GFRA2: variants seen among roughly 807,000 people sequenced by gnomAD.
The protein encoded by GFRA2 is GDNF family receptor alpha-2.
In GFRA2, 17 loss-of-function variants were observed where a neutral mutation model predicts 48.3. The observed-to-expected ratio is 0.35, with a 90% CI of 0.24 to 0.53. The LOEUF is 0.53. GFRA2 is among the 20% of genes least tolerant of loss of function. GFRA2 has a pLI of 0.93. For missense variants in GFRA2, 660 were observed against 637.3 expected (o/e 1.04, Z -0.38); for synonymous variants, 305 against 257.2 (o/e 1.19, Z -1.78).
At chr8:21,731,134 TCAC>T (rs1053599277) in intron 4 of GFRA2, among the ~76,000 whole-genome samples, 13 of 152,060 alleles carry the variant, frequency 8.5e-5, no homozygotes, top group Admixed American at 3.3e-4. Flanking sequence ...AGTGTTACTG[TCAC>T]CACCACCAAC....
intron 1 of GFRA2, among the ~76,000 whole-genome samples, chr8:21,787,212 G>A (rs1807317507): frequency 1.3e-5 from 2 of 150,696 alleles, no homozygotes; most frequent in African/African-American, 4.9e-5. Context: ...AAAAGAAACT[G>A]CGTGGGGCTC....
intron 4 of GFRA2, among the ~76,000 whole-genome samples, chr8:21,711,399 A>C (rs758033180): frequency 6.6e-6 from 1 of 152,230 alleles, no homozygotes; most frequent in Non-Finnish European, 1.5e-5. Context: ...ATCTCGGCTG[A>C]GACCAAGCTA....
At chr8:21,747,049 C>T (rs1805040438) in intron 4 of GFRA2, among the ~76,000 whole-genome samples, 1 of 152,102 alleles carries the variant, frequency 6.6e-6, no homozygotes, top group Admixed American at 6.5e-5. Flanking sequence ...GATTCCAGGC[C>T]CCCTGCAGTC....
At chr8:21,694,630 C>T in intron 7 of GFRA2, 113 bp from the exon 8 acceptor site, 1 of 922,542 alleles carries the variant, frequency 1.1e-6, no homozygotes, top group Non-Finnish European at 1.7e-6. Context: ...CTAAGCACAG[C>T]CAGCGCACAC....
chr8:21,771,125 G>A (rs375661425), intron 3 of GFRA2, among the ~76,000 whole-genome samples: 4 of 151,938 alleles, frequency 2.6e-5, no homozygotes, highest in East Asian at 1.9e-4. Flanking sequence ...CATTCCCACC[G>A]AACCCTCTTA....
chr8:21,794,844 C>G (rs1446909418), intron 2 of GFRA2, among the ~76,000 whole-genome samples: 2 of 152,186 alleles, frequency 1.3e-5, no homozygotes, highest in Non-Finnish European at 2.9e-5. Flanking sequence ...TTAAATAAAC[C>G]ATCTGATCCC....
At chr8:21,808,119 A>G (rs934789662) in intron 1 of GFRA2, among the ~76,000 whole-genome samples, 8 of 152,216 alleles carry the variant, frequency 5.3e-5, no homozygotes, top group Non-Finnish European at 1.0e-4. Context: ...GGCTGGGCAC[A>G]TATTAAATAT....
At chr8:21,774,841 G>T in intron 3 of GFRA2, 131 bp downstream of exon 3, 1 of 648,488 alleles carries the variant, frequency 1.5e-6, no homozygotes, top group Non-Finnish European at 2.9e-6. Flanking sequence ...GCTCAGAACC[G>T]TTGAGGGACG....
intron 3 of GFRA2, among the ~76,000 whole-genome samples, chr8:21,773,371 C>A (rs960342466): frequency 6.6e-6 from 1 of 152,232 alleles, no homozygotes; most frequent in East Asian, 1.9e-4. Context: ...ACCCCAACCA[C>A]CGCCAGTGCC....
At chr8:21,798,392 G>C (rs1807714777) in intron 2 of GFRA2, among the ~76,000 whole-genome samples, 1 of 151,808 alleles carries the variant, frequency 6.6e-6, no homozygotes, top group Non-Finnish European at 1.5e-5. Flanking sequence ...AAGAGGGAGG[G>C]AGGGATGTGT....
At chr8:21,711,834 C>T (rs951480523) in intron 4 of GFRA2, among the ~76,000 whole-genome samples, 3 of 152,172 alleles carry the variant, frequency 2.0e-5, no homozygotes, top group South Asian at 2.1e-4. Flanking sequence ...TGCGGCCTTC[C>T]GCAGTGTTTG....
chr8:21,699,903 G>A (rs1802386754), intron 7 of GFRA2, among the ~76,000 whole-genome samples: 2 of 152,230 alleles, frequency 1.3e-5, no homozygotes, highest in African/African-American at 2.4e-5. Context: ...ACGCAGGAGG[G>A]TGAGATGCCA....
intron 4 of GFRA2, among the ~76,000 whole-genome samples, chr8:21,712,834 A>G (rs1273364549): frequency 1.3e-5 from 2 of 151,782 alleles, no homozygotes; most frequent in Non-Finnish European, 3.0e-5. Flanking sequence ...GCGAAACCCC[A>G]TCTCCACCAA....
chr8:21,756,732 T>C (rs906446096), intron 3 of GFRA2, among the ~76,000 whole-genome samples: 1 of 152,106 alleles, frequency 6.6e-6, no homozygotes, highest in Non-Finnish European at 1.5e-5. Context: ...TGAGCTAAAA[T>C]GTACAAAGGG....
chr8:21,694,289 CT>C (rs1802046350), intron 8 of GFRA2, among the ~76,000 whole-genome samples, 174 bp downstream of exon 8: 1 of 151,712 alleles, frequency 6.6e-6, no homozygotes, highest in South Asian at 2.1e-4. Context: ...TGGATGCAGC[CT>C]TCGCACTCCC....
upstream of GFRA2, among the ~76,000 whole-genome samples, chr8:21,792,442 C>CCTG (rs1807589177): frequency 1.3e-5 from 2 of 152,192 alleles, no homozygotes; most frequent in Admixed American, 1.3e-4. Flanking sequence ...TGATCCAGGG[C>CCTG]ACCCCACAAT....
chr8:21,767,070 C>G (rs1394291595), intron 3 of GFRA2, among the ~76,000 whole-genome samples: 1 of 150,932 alleles, frequency 6.6e-6, no homozygotes, highest in East Asian at 1.9e-4. Context: ...CACAGGCACC[C>G]CATACACTAT....
chr8:21,750,825 T>C lies in GFRA2; in HGVS notation c.557A>G (p.Asn186Ser). The change falls in exon 4 of 9, where the codon AAC becomes AGC. Residue 186 changes from asparagine (N) to serine (S), a missense_variant. Transcript: ENST00000524240. The surrounding 1 kb of genome is among the most constrained non-coding windows in gnomAD (Gnocchi z 5.7). Reference protein sequence around the residue: ...KLRSSYISICNREISPTERCN... With the variant: ...KLRSSYISICSREISPTERCN... ...GCGCTCGGTGGGCGAGATCTCGCGG[T>C]TGCAGATGGAGATGTAGGAGGAGCG... is the stretch of plus-strand genomic sequence containing the variant. 1 of 1,613,730 alleles carries C rather than the reference T, an allele frequency of 6.2e-7. No homozygotes were observed. Among genetic ancestry groups the C allele is most frequent in the Non-Finnish European group, 8.5e-7 (1 of 1,179,808 alleles).
At chr8:21,809,588 A>G (rs779625296) in intron 1 of GFRA2, among the ~76,000 whole-genome samples, 36 of 152,060 alleles carry the variant, frequency 2.4e-4, no homozygotes, top group Non-Finnish European at 3.7e-4. Flanking sequence ...CGGCCTCCCA[A>G]AGTGCTAGGA....
Sources: gnomAD v4.1 joint callset for allele counts (sites outside exome capture counted in the v4.1 genomes callset) on GRCh38, gnomAD v4.1.1 for gene constraint, Gnocchi (gnomAD v3.1) non-coding constraint, MANE v1.5 for transcripts, NCBI Gene and HGNC (gene_info 2026-07-23, HGNC 2026-07-21) for gene names.